OPCML: variants seen among roughly 807,000 people sequenced by gnomAD.
OPCML encodes the protein opioid binding protein/cell adhesion molecule like, also known as opioid-binding protein/cell adhesion molecule.
A neutral mutation model predicts 37.8 loss-of-function variants in OPCML; 13 were observed. The observed-to-expected ratio is 0.34, with a 90% confidence interval of 0.22 to 0.55. OPCML has a LOEUF of 0.55. Among genes scored for constraint, OPCML ranks in the 20% least tolerant of loss-of-function variants. OPCML has a pLI of 0.91. For synonymous variants in OPCML, 176 were observed against 168.8 expected (o/e 1.04, Z -0.33); for missense variants, 341 against 435.6 (o/e 0.78, Z 1.93).
At chr11:132,929,704 G>T (rs1454203484) in intron 2 of OPCML, among the ~76,000 whole-genome samples, 1 of 152,034 alleles carries the variant, frequency 6.6e-6, no homozygotes, top group Non-Finnish European at 1.5e-5. Flanking sequence ...CATATTAAAA[G>T]AATTATACTC....
intron 4 of OPCML, among the ~76,000 whole-genome samples, chr11:132,441,422 C>T (rs955525574): frequency 1.8e-4 from 27 of 152,136 alleles, no homozygotes; most frequent in African/African-American, 6.5e-4. Flanking sequence ...CCCGCCTCGG[C>T]CTCCCAAAGT....
intron 1 of OPCML, among the ~76,000 whole-genome samples, chr11:133,521,030 C>T (rs1268040600): frequency 6.6e-6 from 1 of 152,080 alleles, no homozygotes; most frequent in Non-Finnish European, 1.5e-5. Flanking sequence ...TCATCACAAG[C>T]CGTCCTAGCC....
At chr11:132,477,562 G>C (rs898335253) in intron 4 of OPCML, among the ~76,000 whole-genome samples, 1 of 152,232 alleles carries the variant, frequency 6.6e-6, no homozygotes, top group Admixed American at 6.5e-5. Context: ...ATATGGCTAA[G>C]AGAAGAGGGC....
intron 3 of OPCML, among the ~76,000 whole-genome samples, chr11:132,619,681 A>G (rs11223151): frequency 7.2e-5 from 3 of 41,666 alleles, no homozygotes; most frequent in African/African-American, 3.6e-4. Flanking sequence ...TACTGAAAAT[A>G]CCAAAAAAAA....
At chr11:133,391,356 A>T (rs1945170653) in intron 1 of OPCML, among the ~76,000 whole-genome samples, 1 of 152,188 alleles carries the variant, frequency 6.6e-6, no homozygotes, top group South Asian at 2.1e-4. Flanking sequence ...GTCTTTCAGC[A>T]GCTCTGGGCA....
chr11:132,441,158 C>CTTTTTTGTTTTTTG (rs1555122511), intron 4 of OPCML, among the ~76,000 whole-genome samples: 4 of 108,056 alleles, frequency 3.7e-5, no homozygotes, highest in Admixed American at 9.4e-5. Context: ...TCACCAAGGA[C>CTTTTTTGTTTTTTG]TTTTTTGTTT....
rs564630150 is a variant in OPCML at position 132,562,845 on chromosome 11, T to C, written c.380-33659A>G. ...TTAAACAAATTGGCTAACATTAAAA[T>C]AAAAAGCAGGCAAAGCTCAAATGCC... On this transcript the variant is annotated intron_variant, in intron 3 of 7. Coordinates refer to ENST00000524381, the MANE Select transcript of OPCML (RefSeq NM_001012393.5). Among the ~76,000 whole-genome samples, 12 of 152,178 alleles carry C rather than the reference T, an allele frequency of 7.9e-5. No homozygotes were observed. The South Asian group carries it at 1.4e-3, about 18-fold the overall frequency.
intron 2 of OPCML, among the ~76,000 whole-genome samples, chr11:132,703,092 G>A (rs1943894371): frequency 6.6e-6 from 1 of 151,974 alleles, no homozygotes; most frequent in South Asian, 2.1e-4. Context: ...TGCATTGCTT[G>A]ACAACAAAGA....
chr11:132,903,556 C>A (rs943340485), intron 2 of OPCML, among the ~76,000 whole-genome samples: 1 of 152,160 alleles, frequency 6.6e-6, no homozygotes, highest in Non-Finnish European at 1.5e-5. Flanking sequence ...TCATTATACC[C>A]TCCTCCCTTT....
At chr11:132,467,148 G>A (rs2096122555) in intron 4 of OPCML, among the ~76,000 whole-genome samples, 1 of 152,162 alleles carries the variant, frequency 6.6e-6, no homozygotes. Flanking sequence ...TCAGCCTGCT[G>A]CAGGCTGATA....
At position 133,312,708 on chromosome 11, in the gene OPCML, T is replaced by G. The variant is rs186577387; in HGVS notation, c.61+219556A>C. ...TTTCCCTTCTACTACTTGCAAGGGG[T>G]TCACCACCTGCTTAGCTAAAAAATA... On this transcript the variant is annotated intron_variant, in intron 1 of 7. Transcript: ENST00000524381. 1.9e-3 allele frequency among the ~76,000 whole-genome samples: 290 copies of G among 152,320 alleles called. 6 individuals carry two copies. Among genetic ancestry groups the G allele is most frequent in the Middle Eastern group, 0.01 (3 of 294 alleles).
At chr11:133,348,485 G>A (rs919981513) in intron 1 of OPCML, among the ~76,000 whole-genome samples, 5 of 152,236 alleles carry the variant, frequency 3.3e-5, no homozygotes, top group African/African-American at 4.8e-5. Context: ...AGGCTTACTC[G>A]GGTGCTGCCC....
At chr11:133,041,184 G>C (rs573455048) in intron 1 of OPCML, among the ~76,000 whole-genome samples, 21 of 152,272 alleles carry the variant, frequency 1.4e-4, no homozygotes, top group African/African-American at 4.6e-4. Context: ...AACATGTTTG[G>C]TTTTAATCTG....
intron 1 of OPCML, among the ~76,000 whole-genome samples, chr11:133,509,971 G>A (rs1040555250): frequency 6.6e-6 from 1 of 152,184 alleles, no homozygotes; most frequent in African/African-American, 2.4e-5. Flanking sequence ...TAACCTTGGT[G>A]GTGCTCTGAC....
intron 1 of OPCML, among the ~76,000 whole-genome samples, chr11:133,248,779 C>T (rs1941034787): frequency 6.6e-6 from 1 of 152,132 alleles, no homozygotes. Context: ...GCATGGGCCA[C>T]AGAAAGAGGG....
intron 2 of OPCML, among the ~76,000 whole-genome samples, chr11:132,794,083 T>C (rs1938134003): frequency 6.6e-6 from 1 of 152,188 alleles, no homozygotes; most frequent in Non-Finnish European, 1.5e-5. Context: ...TTCTTTGAAA[T>C]CCTCCTACCT....
intron 1 of OPCML, among the ~76,000 whole-genome samples, chr11:133,154,586 A>C (rs534404300): frequency 6.7e-6 from 1 of 149,270 alleles, no homozygotes; most frequent in Non-Finnish European, 1.5e-5. Context: ...ATAGAAGTAA[A>C]AAAAAACAGT....
chr11:133,121,115 T>C (rs1949413777), intron 1 of OPCML, among the ~76,000 whole-genome samples: 1 of 152,054 alleles, frequency 6.6e-6, no homozygotes, highest in Admixed American at 6.6e-5. Flanking sequence ...TAGAGACGGG[T>C]TTCATGTTGG....
In OPCML at chr11:132,999,579, A is replaced by AG. The variant is rs1946956981; in HGVS notation, c.62-56570_62-56569insC. Among the ~76,000 whole-genome samples the AG allele has an allele frequency of 3.4e-5, 5 of 146,520 alleles. 1 individual carries two copies. The highest frequency in any genetic ancestry group is 6.0e-5 in the Non-Finnish European group (4 of 66,890). ...AGTGACAAATGGGGTCGGGGGGGGA[A>AG]TGCCACCGGTAATGAACAAAAGCTT... On this transcript the variant is annotated intron_variant, in intron 1 of 7. Transcript: ENST00000524381.
Sources: allele counts gnomAD v4.1 joint callset (sites outside exome capture counted in the v4.1 genomes callset), GRCh38; gene constraint gnomAD v4.1.1; transcripts MANE v1.5; gene names NCBI Gene and HGNC (gene_info 2026-07-23, HGNC 2026-07-21).